The following NLGN4X variants were observed in gnomAD, a reference collection of about 807,000 sequenced individuals.
The protein encoded by NLGN4X is neuroligin-4, X-linked.
NLGN4X carries 3 observed loss-of-function variants against 40.3 expected under a neutral mutation model. The ratio of observed to expected loss-of-function variants is 0.07; its 90% CI spans 0.03 to 0.19. The LOEUF (loss-of-function observed/expected upper bound fraction) is 0.19, where lower values mean the gene tolerates loss of function less well. Ranked by LOEUF, NLGN4X falls within the 10% of genes least tolerant of loss-of-function variation. The probability of loss-of-function intolerance (pLI) is 1.00; values close to 1 mark genes in which losing one functional copy is unlikely to be tolerated. For missense variants in NLGN4X, 382 were observed against 708.3 expected, an observed-to-expected ratio of 0.54 and a Z score of 5.23; for synonymous variants, 270 against 306.8, an observed-to-expected ratio of 0.88 and a Z score of 1.25.
chrX:5,896,006 T>A (rs1237081507), intron 5 of NLGN4X, among the ~76,000 whole-genome samples: 1 of 111,588 alleles, frequency 9.0e-6, no homozygotes, highest in African/African-American at 3.3e-5. Flanking sequence ...TCCACTAATA[T>A]TAGTTATTGA....
At chrX:6,107,959 A>G (rs1195576420) in intron 2 of NLGN4X, among the ~76,000 whole-genome samples, 2 of 111,907 alleles carry the variant, frequency 1.8e-5, no homozygotes, top group African/African-American at 6.5e-5. Flanking sequence ...CTGTTGATGG[A>G]CACTTAGGTT....
chrX:5,999,732 G>A (rs1482913430), intron 3 of NLGN4X, among the ~76,000 whole-genome samples: 1 of 112,291 alleles, frequency 8.9e-6, no homozygotes, highest in Non-Finnish European at 1.9e-5. Flanking sequence ...ATCCCTTGGT[G>A]TTTCAAGGGC....
At chrX:6,111,188 C>T (rs2039140370) in intron 2 of NLGN4X, among the ~76,000 whole-genome samples, 1 of 111,931 alleles carries the variant, frequency 8.9e-6, no homozygotes, top group South Asian at 3.7e-4. Flanking sequence ...CACCCCAAAC[C>T]TAATGTATCT....
At chrX:6,084,927 C>T (rs5915641) in intron 2 of NLGN4X, among the ~76,000 whole-genome samples, 21,400 of 109,511 alleles carry the variant, frequency 0.2, 1,832 homozygotes, top group South Asian at 0.26. Flanking sequence ...TATAGCAGCA[C>T]AAAATGGACT....
intron 2 of NLGN4X, among the ~76,000 whole-genome samples, chrX:6,069,143 C>CTAAAAATAA (rs2037996789): frequency 9.1e-6 from 1 of 110,472 alleles, no homozygotes; most frequent in Non-Finnish European, 1.9e-5. Context: ...CAAAAGTTAG[C>CTAAAAATAA]CTGGCGTGGT....
chrX:6,175,178 A>G (rs185883708), intron 1 of NLGN4X, among the ~76,000 whole-genome samples: 6 of 111,696 alleles, frequency 5.4e-5, no homozygotes, highest in East Asian at 2.8e-4. Context: ...TATCTTTGAA[A>G]TAATTTGCTA....
intron 2 of NLGN4X, among the ~76,000 whole-genome samples, chrX:6,093,573 CAA>C (rs2038691149): frequency 9.0e-6 from 1 of 111,159 alleles, no homozygotes; most frequent in Admixed American, 9.6e-5. Flanking sequence ...CAAATATCTT[CAA>C]ACTCATAAAT....
In NLGN4X at chrX:6,151,247, A is replaced by C; in HGVS notation, c.220T>G (p.Leu74Val). 3 of 1,211,528 alleles carry C rather than the reference A, an allele frequency of 2.5e-6. No homozygotes were observed. The highest frequency in any genetic ancestry group is 3.4e-6 in the Non-Finnish European group (3 of 895,279). The change falls in exon 2 of 6, where the codon TTA becomes GTA. Residue 74 changes from leucine (L) to valine (V), a missense_variant. By Grantham distance (32) the Leu-to-Val change is conservative. Transcript: ENST00000381095. ...GGGGGTGAGGCATAGGGGACCCCTA[A>C]GTACTGCTCCACTGGACCCAAGATC... Reference protein sequence around the residue: ...NEILGPVEQYLGVPYASPPTG... With the variant: ...NEILGPVEQYVGVPYASPPTG...
intron 3 of NLGN4X, among the ~76,000 whole-genome samples, chrX:5,982,174 C>T (rs766077590): frequency 9.0e-6 from 1 of 111,700 alleles, no homozygotes; most frequent in South Asian, 3.7e-4. Context: ...AAGAAACTTG[C>T]GAATAAACAA....
At chrX:6,102,722 A>G (rs764004042) in intron 2 of NLGN4X, among the ~76,000 whole-genome samples, 1 of 111,284 alleles carries the variant, frequency 9.0e-6, no homozygotes, top group Non-Finnish European at 1.9e-5. Context: ...CATATAGATA[A>G]GATAGATCGA....
intron 1 of NLGN4X, among the ~76,000 whole-genome samples, chrX:6,193,132 C>T (rs1456918648): frequency 8.9e-6 from 1 of 112,175 alleles, no homozygotes; most frequent in Non-Finnish European, 1.9e-5. Context: ...TTTAAAAATG[C>T]CTCCCTGGGC....
chrX:6,190,342 G>C (rs1922434764), intron 1 of NLGN4X, among the ~76,000 whole-genome samples: 1 of 111,928 alleles, frequency 8.9e-6, no homozygotes, highest in Non-Finnish European at 1.9e-5. Flanking sequence ...AATCATTAAA[G>C]AGATACTCAA....
At chrX:6,199,773 G>A (rs1385369155) in intron 1 of NLGN4X, among the ~76,000 whole-genome samples, 2 of 111,953 alleles carry the variant, frequency 1.8e-5, no homozygotes, top group African/African-American at 6.5e-5. Flanking sequence ...AAACTCTAGG[G>A]ACATTAATAC....
intron 2 of NLGN4X, among the ~76,000 whole-genome samples, chrX:6,122,877 C>A (rs1389858700): frequency 7.6e-5 from 8 of 105,645 alleles, no homozygotes; most frequent in African/African-American, 2.8e-4. Context: ...GGAAGGATAC[C>A]CACAAACAAT....
chrX:5,915,867 T>C (rs1351233836), intron 3 of NLGN4X, among the ~76,000 whole-genome samples: 1 of 112,369 alleles, frequency 8.9e-6, no homozygotes, highest in Non-Finnish European at 1.9e-5. Flanking sequence ...AACTGAACAC[T>C]TTCTCCTTAG....
chrX:5,939,452 T>A (rs922780540), intron 3 of NLGN4X, among the ~76,000 whole-genome samples: 14 of 111,202 alleles, frequency 1.3e-4, no homozygotes, highest in Middle Eastern at 4.7e-3. Context: ...TAATGTGCAC[T>A]CTTAGCTACA....
chrX:5,992,739 C>T (rs2035716383), intron 3 of NLGN4X, among the ~76,000 whole-genome samples: 1 of 111,378 alleles, frequency 9.0e-6, no homozygotes, highest in Non-Finnish European at 1.9e-5. Context: ...AGGGGAGCTG[C>T]TGTGTGCGCA....
intron 2 of NLGN4X, among the ~76,000 whole-genome samples, chrX:6,107,870 A>G (rs960185965): frequency 8.9e-6 from 1 of 112,203 alleles, no homozygotes; most frequent in African/African-American, 3.2e-5. Flanking sequence ...TGTTGCTGCA[A>G]AGGACATGAT....
At chrX:6,200,693 T>TTTTTTCTTTTTC (rs1452203409) in intron 1 of NLGN4X, among the ~76,000 whole-genome samples, 5 of 90,599 alleles carry the variant, frequency 5.5e-5, no homozygotes, top group African/African-American at 2.1e-4. Flanking sequence ...TTTTCTTTTT[T>TTTTTTCTTTTTC]TTTTTTTTTT....
Sources: allele counts gnomAD v4.1 joint callset (sites outside exome capture counted in the v4.1 genomes callset), GRCh38; gene constraint gnomAD v4.1.1; transcripts MANE v1.5; gene names NCBI Gene and HGNC (gene_info 2026-07-23, HGNC 2026-07-21).